The following LRRC4C variants were observed in gnomAD, a reference collection of about 807,000 sequenced individuals.
The protein encoded by LRRC4C is leucine rich repeat containing 4C.
In LRRC4C, 5 loss-of-function variants were observed where a neutral mutation model predicts 33.6. The ratio of observed to expected loss-of-function variants is 0.15; its 90% CI spans 0.08 to 0.31. LRRC4C has a LOEUF of 0.31. LRRC4C is among the 10% of genes least tolerant of loss of function. LRRC4C has a pLI of 1.00. For missense variants in LRRC4C, 560 were observed against 796.7 expected (o/e 0.70, Z 3.58); for synonymous variants, 329 against 302.0 (o/e 1.09, Z -0.93).
At chr11:41,425,529 T>C (rs1955010409) in intron 1 of LRRC4C, among the ~76,000 whole-genome samples, 1 of 152,108 alleles carries the variant, frequency 6.6e-6, no homozygotes, top group Admixed American at 6.6e-5. Flanking sequence ...GACCTCCGTC[T>C]AATTTCGATA....
intron 3 of LRRC4C, among the ~76,000 whole-genome samples, chr11:40,398,098 A>C (rs920525273): frequency 1.3e-5 from 2 of 152,076 alleles, no homozygotes; most frequent in African/African-American, 4.8e-5. Context: ...TAGTTTTATG[A>C]AATTATAGAT....
chr11:40,349,983 G>A (rs1188073144), intron 3 of LRRC4C, among the ~76,000 whole-genome samples: 1 of 151,934 alleles, frequency 6.6e-6, no homozygotes, highest in Non-Finnish European at 1.5e-5. Context: ...TATATATTCT[G>A]GTTATTAGTC....
At position 41,062,412 on chromosome 11, in the gene LRRC4C, A is replaced by C. The variant is rs1291649052; in HGVS notation, c.-495-128689T>G. Among the ~76,000 whole-genome samples the C allele has an allele frequency of 1.3e-5, 2 of 152,240 alleles. 1 individual carries two copies. The highest frequency in any genetic ancestry group is 2.9e-5 in the Non-Finnish European group (2 of 68,042). ...CACCTGTCATATGAGTAATCACTCC[A>C]CCTGGCTTATTACCTTCTCTTGATA... On this transcript the variant is annotated intron_variant, in intron 1 of 6. Coordinates refer to ENST00000528697, the MANE Select transcript of LRRC4C (RefSeq NM_001258419.2).
chr11:40,486,154 T>TAA (rs11415781), intron 3 of LRRC4C, among the ~76,000 whole-genome samples: 39 of 133,476 alleles, frequency 2.9e-4, no homozygotes, highest in Admixed American at 6.8e-4. Context: ...GACAAAAGTT[T>TAA]AAAAAAAAAA....
chr11:40,558,483 A>G (rs942240209), intron 3 of LRRC4C, among the ~76,000 whole-genome samples: 5 of 152,190 alleles, frequency 3.3e-5, no homozygotes, highest in Admixed American at 6.5e-5. Flanking sequence ...TTAATCCCAG[A>G]AGAAAAATGT....
chr11:41,303,127 ACG>A (rs1950334519), intron 1 of LRRC4C, among the ~76,000 whole-genome samples: 1 of 61,254 alleles, frequency 1.6e-5, no homozygotes, highest in African/African-American at 6.3e-5. Flanking sequence ...CCCTCACCCC[ACG>A]GTCTCCCTCT....
At chr11:41,260,263 A>G (rs1948936951) in intron 1 of LRRC4C, among the ~76,000 whole-genome samples, 1 of 152,062 alleles carries the variant, frequency 6.6e-6, no homozygotes. Context: ...AGAACTCACA[A>G]AAGTTTACAA....
chr11:40,432,870 G>A (rs1199614446), intron 3 of LRRC4C, among the ~76,000 whole-genome samples: 1 of 152,114 alleles, frequency 6.6e-6, no homozygotes, highest in African/African-American at 2.4e-5. Flanking sequence ...TTTCCCAAGA[G>A]ATACACTTTT....
At chr11:41,021,208 A>T (rs200969435) in intron 1 of LRRC4C, among the ~76,000 whole-genome samples, 96,745 of 130,768 alleles carry the variant, frequency 0.74, 34,114 homozygotes, top group South Asian at 0.81. Flanking sequence ...AGAGAGAGAG[A>T]GAGAGAGTGT....
At chr11:41,394,155 T>C (rs1032081362) in intron 1 of LRRC4C, among the ~76,000 whole-genome samples, 3 of 151,972 alleles carry the variant, frequency 2.0e-5, no homozygotes, top group Non-Finnish European at 4.4e-5. Context: ...CCTTGCTTCC[T>C]TATCTGTAAA....
chr11:41,282,049 C>A (rs1949693075), intron 1 of LRRC4C, among the ~76,000 whole-genome samples: 1 of 152,100 alleles, frequency 6.6e-6, no homozygotes, highest in Non-Finnish European at 1.5e-5. Context: ...GTAGAAAGGT[C>A]ACACAAAAGA....
At chr11:40,786,669 G>A (rs892184666) in intron 2 of LRRC4C, among the ~76,000 whole-genome samples, 6 of 151,984 alleles carry the variant, frequency 3.9e-5, no homozygotes, top group Admixed American at 2.0e-4. Flanking sequence ...TTCTTACTTG[G>A]TATCATTGGT....
At chr11:40,832,351 A>G (rs189073008) in intron 2 of LRRC4C, among the ~76,000 whole-genome samples, 2 of 152,326 alleles carry the variant, frequency 1.3e-5, no homozygotes, top group Non-Finnish European at 2.9e-5. Context: ...TAGGTTAATC[A>G]TCTAGAATTG....
chr11:40,813,857 A>C (rs1039204236), intron 2 of LRRC4C, among the ~76,000 whole-genome samples: 2 of 152,204 alleles, frequency 1.3e-5, no homozygotes, highest in Non-Finnish European at 2.9e-5. Context: ...TAATGTTCCA[A>C]ATAATTGGAC....
intron 2 of LRRC4C, among the ~76,000 whole-genome samples, chr11:40,864,244 T>A (rs1012633065): frequency 6.6e-6 from 1 of 151,978 alleles, no homozygotes; most frequent in Non-Finnish European, 1.5e-5. Flanking sequence ...AATTTTTGTA[T>A]TTTTAGTAGA....
chr11:41,227,110 C>A (rs934642667), intron 1 of LRRC4C, among the ~76,000 whole-genome samples: 5 of 152,002 alleles, frequency 3.3e-5, no homozygotes, highest in Admixed American at 6.6e-5. Flanking sequence ...ACAAAAGACA[C>A]CTCCTTCCCC....
At chr11:40,721,993 T>C (rs1284564721) in intron 2 of LRRC4C, among the ~76,000 whole-genome samples, 1 of 152,090 alleles carries the variant, frequency 6.6e-6, no homozygotes, top group African/African-American at 2.4e-5. Flanking sequence ...AACATCACTG[T>C]TCAAACTGAG....
chr11:40,903,814 T>A (rs1366774428), intron 2 of LRRC4C, among the ~76,000 whole-genome samples: 2 of 152,174 alleles, frequency 1.3e-5, no homozygotes, highest in Non-Finnish European at 2.9e-5. Context: ...TATAATTAGA[T>A]TGTTTGTAAG....
chr11:41,282,772 G>A (rs1949713260), intron 1 of LRRC4C, among the ~76,000 whole-genome samples: 1 of 152,124 alleles, frequency 6.6e-6, no homozygotes, highest in Non-Finnish European at 1.5e-5. Context: ...TGCAGATGTG[G>A]GCATCTGAAT....
Sources: gnomAD v4.1 joint callset for allele counts (sites outside exome capture counted in the v4.1 genomes callset) on GRCh38, gnomAD v4.1.1 for gene constraint, MANE v1.5 for transcripts, NCBI Gene and HGNC (gene_info 2026-07-23, HGNC 2026-07-21) for gene names.